GSE1: variants seen among roughly 807,000 people sequenced by gnomAD.
GSE1 encodes Gse1 coiled-coil protein, also known as genetic suppressor element 1.
Under a neutral mutation model 112.6 loss-of-function variants are expected in GSE1, and 32 were observed. The ratio of observed to expected loss-of-function variants is 0.28; its 90% CI spans 0.21 to 0.38. GSE1 has a LOEUF of 0.38. Ranked by LOEUF, GSE1 falls within the 10% of genes least tolerant of loss-of-function variation. The pLI is 1.00. For synonymous variants in GSE1, 1,115 were observed against 735.6 expected (o/e 1.52, Z -8.35); for missense variants, 2,348 against 1,699.2 (o/e 1.38, Z -6.71).
At chr16:85,623,442 A>G (rs1042928611) in intron 1 of GSE1, among the ~76,000 whole-genome samples, 5 of 152,190 alleles carry the variant, frequency 3.3e-5, no homozygotes, top group Non-Finnish European at 5.9e-5. Context: ...GGCTCAGGCC[A>G]TGCGGTGCCC....
At chr16:85,400,453 C>T (rs1022019561) in intron 2 of GSE1, among the ~76,000 whole-genome samples, 3 of 148,094 alleles carry the variant, frequency 2.0e-5, no homozygotes, top group Non-Finnish European at 3.0e-5. Flanking sequence ...GTTGTATGTC[C>T]GTGTGTTGTA....
At chr16:85,301,538 C>T (rs1299751692) in intron 1 of GSE1, among the ~76,000 whole-genome samples, 4 of 152,356 alleles carry the variant, frequency 2.6e-5, no homozygotes, top group Non-Finnish European at 4.4e-5. Context: ...GCATGGGCAC[C>T]GGAAAGAATC....
At chr16:85,439,329 C>T (rs1193423485) in intron 2 of GSE1, among the ~76,000 whole-genome samples, 7 of 152,300 alleles carry the variant, frequency 4.6e-5, no homozygotes, top group East Asian at 1.9e-4. Flanking sequence ...GCAGTGGGGG[C>T]GGCCTCGGGC....
intron 2 of GSE1, among the ~76,000 whole-genome samples, chr16:85,539,764 C>G (rs186601055): frequency 4.4e-4 from 67 of 152,320 alleles, no homozygotes; most frequent in African/African-American, 1.6e-3. Context: ...ACCAGGCTCA[C>G]CCAGAACAGG....
At chr16:85,216,988 G>A (rs1418157128) in intron 1 of GSE1, among the ~76,000 whole-genome samples, 1 of 152,252 alleles carries the variant, frequency 6.6e-6, no homozygotes, top group East Asian at 1.9e-4. Context: ...GCTTGTGTGG[G>A]ATGAAGGAGC....
At chr16:85,348,492 G>A (rs918005852) in intron 1 of GSE1, among the ~76,000 whole-genome samples, 1 of 152,124 alleles carries the variant, frequency 6.6e-6, no homozygotes, top group African/African-American at 2.4e-5. Flanking sequence ...GCTCTTTCTT[G>A]GTCACCCGGC....
exon 1 of GSE1, chr16:85,170,307 G>T: frequency 1.0e-6 from 1 of 985,552 alleles, no homozygotes; most frequent in Non-Finnish European, 1.2e-6. Context: ...GGGTTGGGAG[G>T]CACTGGGTTC....
Position 85,673,575 on chromosome 16 carries a change from GTA to G in GSE1, c.*1037_*1038del, listed in dbSNP as rs1054902572. The G allele has an allele frequency of 5.9e-5, 9 of 152,020 alleles. No individual in the cohort carries two copies. The highest frequency in any genetic ancestry group is 2.2e-4 in the African/African-American group (9 of 41,330). The allele number at this position is 152,020 out of a possible 1,614,324, so 9.4% of individuals were successfully genotyped here. Reference sequence around the variant, plus strand: ...TTTTAAAAATTAAAGAAGAAGAAAAGTAAAAGAGCTTACCACTGGCGCCTATG... The same window carrying G: ...TTTTAAAAATTAAAGAAGAAGAAAAGAAAGAGCTTACCACTGGCGCCTATG... On this transcript the variant is annotated 3_prime_UTR_variant, in exon 16 of 16. Transcript: ENST00000253458.
At chr16:85,597,290 T>C (rs933733173) in intron 1 of GSE1, among the ~76,000 whole-genome samples, 1 of 150,052 alleles carries the variant, frequency 6.7e-6, no homozygotes, top group Non-Finnish European at 1.5e-5. Context: ...GGAGAATTGC[T>C]TTGAACCCAG....
At chr16:85,478,914 TCTTTCTTTCTTTC>T (rs1567520764) in intron 2 of GSE1, among the ~76,000 whole-genome samples, 4 of 57,738 alleles carry the variant, frequency 6.9e-5, no homozygotes, top group African/African-American at 1.9e-4. Context: ...TTTCTTTCTT[TCTTTCTTTCTTTC>T]TCTTTCTTTC....
At position 85,614,188 on chromosome 16, in the gene GSE1, C is replaced by T. The variant is rs564092221; in HGVS notation, c.7+790C>T. ...GCACTGGCCTTTTTCCCTCCCCGGC[C>T]CTTCCTGCTCCGCCTGGATGCGCCT... is the stretch of plus-strand genomic sequence containing the variant. On this transcript the variant is annotated intron_variant, in intron 1 of 15. Transcript: ENST00000253458. Among the ~76,000 whole-genome samples, 17 of 152,178 alleles carry T rather than the reference C, an allele frequency of 1.1e-4. 1 individual carries two copies. In the South Asian group the frequency reaches 1.7e-3, roughly 15 times the overall value.
At chr16:85,611,781 G>A (rs541707063), upstream of GSE1, among the ~76,000 whole-genome samples, 8 of 151,958 alleles carry the variant, frequency 5.3e-5, no homozygotes, top group South Asian at 1.5e-3. Context: ...CTCTAGGCCC[G>A]CCAGCGTCAT....
At chr16:85,272,685 A>G (rs1385798145) in intron 1 of GSE1, among the ~76,000 whole-genome samples, 3 of 151,806 alleles carry the variant, frequency 2.0e-5, no homozygotes, top group Non-Finnish European at 4.4e-5. Flanking sequence ...GGGGACCCAC[A>G]GGAGAAAAGA....
At chr16:85,180,688 G>A (rs1163340223) in intron 1 of GSE1, among the ~76,000 whole-genome samples, 2 of 152,248 alleles carry the variant, frequency 1.3e-5, no homozygotes, top group South Asian at 4.1e-4. Context: ...TGCCGGCGCC[G>A]GGATCCGCAC....
At chr16:85,434,510 G>C (rs886901818) in intron 2 of GSE1, among the ~76,000 whole-genome samples, 5 of 152,066 alleles carry the variant, frequency 3.3e-5, no homozygotes, top group African/African-American at 7.2e-5. Flanking sequence ...TTTGCCCAAG[G>C]CTCCAGTTAG....
intron 11 of GSE1, 101 bp downstream of exon 11, chr16:85,663,715 C>A: frequency 1.6e-6 from 2 of 1,215,160 alleles, no homozygotes; most frequent in Non-Finnish European, 2.3e-6. Flanking sequence ...GATCTGCGAT[C>A]ACTGAGCCTG....
At chr16:85,240,499 C>T (rs531734263) in intron 1 of GSE1, among the ~76,000 whole-genome samples, 1 of 152,344 alleles carries the variant, frequency 6.6e-6, no homozygotes, top group South Asian at 2.1e-4. Context: ...GCCAGCTTCC[C>T]TGTTGGGGTT....
At chr16:85,519,701 T>C (rs2052109326) in intron 2 of GSE1, among the ~76,000 whole-genome samples, 1 of 111,504 alleles carries the variant, frequency 9.0e-6, no homozygotes, top group African/African-American at 3.7e-5. Context: ...ATCACCACAG[T>C]CTCCATCACT....
chr16:85,426,590 A>G (rs149341528), intron 2 of GSE1, among the ~76,000 whole-genome samples: 2,654 of 149,628 alleles, frequency 0.018, 37 homozygotes, highest in Middle Eastern at 0.053. Flanking sequence ...GGATGGGTGA[A>G]TGAATGGATG....
Sources: gnomAD v4.1 joint callset for allele counts (sites outside exome capture counted in the v4.1 genomes callset) on GRCh38, gnomAD v4.1.1 for gene constraint, MANE v1.5 for transcripts, NCBI Gene and HGNC (gene_info 2026-07-23, HGNC 2026-07-21) for gene names.